PCDH7: variants seen among roughly 807,000 people sequenced by gnomAD.
PCDH7 encodes the protein protocadherin-7.
In PCDH7, 17 loss-of-function variants were observed where a neutral mutation model predicts 58.9. The ratio of observed to expected loss-of-function variants is 0.29; its 90% CI spans 0.20 to 0.43. PCDH7 has a LOEUF of 0.43. PCDH7 is among the 20% of genes least tolerant of loss of function. The probability of loss-of-function intolerance (pLI) is 1.00; values close to 1 mark genes in which losing one functional copy is unlikely to be tolerated. For synonymous variants in PCDH7, 664 were observed against 616.4 expected (o/e 1.08, Z -1.14); for missense variants, 1,274 against 1,441.0 (o/e 0.88, Z 1.88).
intron 3 of PCDH7, among the ~76,000 whole-genome samples, chr4:30,984,577 T>A (rs1041589692): frequency 1.3e-5 from 2 of 152,176 alleles, no homozygotes; most frequent in African/African-American, 4.8e-5. Context: ...AGATGACTGG[T>A]GCCCCAAAGA....
At chr4:30,825,122 A>G (rs1181012520) in intron 1 of PCDH7, among the ~76,000 whole-genome samples, 1 of 152,122 alleles carries the variant, frequency 6.6e-6, no homozygotes, top group East Asian at 1.9e-4. Context: ...GATGTTTCCA[A>G]TATCTGACAC....
chr4:30,916,821 C>G (rs768835416), intron 1 of PCDH7, among the ~76,000 whole-genome samples: 1 of 152,108 alleles, frequency 6.6e-6, no homozygotes, highest in African/African-American at 2.4e-5. Context: ...CTTTCTGTGC[C>G]TCTTCATCAG....
chr4:31,063,241 C>A (rs1381337734), intron 3 of PCDH7, among the ~76,000 whole-genome samples: 13 of 151,652 alleles, frequency 8.6e-5, no homozygotes, highest in South Asian at 6.2e-4. Flanking sequence ...ATATGAATGC[C>A]CTTTCCATCA....
At chr4:30,848,115 C>T (rs976785009) in intron 1 of PCDH7, among the ~76,000 whole-genome samples, 9 of 152,178 alleles carry the variant, frequency 5.9e-5, no homozygotes, top group Admixed American at 1.3e-4. Context: ...ACACTATAAG[C>T]ACAAGTTTAT....
intron 3 of PCDH7, among the ~76,000 whole-genome samples, chr4:30,974,805 A>G (rs1158676967): frequency 1.3e-5 from 2 of 151,364 alleles, no homozygotes; most frequent in African/African-American, 4.8e-5. Context: ...GTCTTAAAGG[A>G]CATAGGGTGG....
intron 2 of PCDH7, among the ~76,000 whole-genome samples, chr4:30,945,435 T>C (rs1256811838): frequency 6.6e-6 from 1 of 152,152 alleles, no homozygotes; most frequent in East Asian, 1.9e-4. Context: ...GCCATTAAGC[T>C]ATGCAACTTA....
intron 1 of PCDH7, among the ~76,000 whole-genome samples, chr4:30,866,499 T>C (rs1057356947): frequency 1.3e-5 from 2 of 152,100 alleles, no homozygotes; most frequent in African/African-American, 4.8e-5. Flanking sequence ...ATCTTTTTAA[T>C]AGAGGCATTT....
intron 3 of PCDH7, among the ~76,000 whole-genome samples, chr4:31,005,713 C>T (rs76141925): frequency 0.052 from 7,975 of 152,178 alleles, 680 homozygotes; most frequent in African/African-American, 0.18. Context: ...TTGTAAAATA[C>T]GTGAAACATA....
chr4:30,965,366 T>C (rs1748908368), intron 3 of PCDH7, among the ~76,000 whole-genome samples: 1 of 152,140 alleles, frequency 6.6e-6, no homozygotes, highest in South Asian at 2.1e-4. Flanking sequence ...AGATGACAAT[T>C]TAAAAATTGA....
At chr4:31,116,573 A>G (rs1161223806) in intron 3 of PCDH7, among the ~76,000 whole-genome samples, 2 of 152,184 alleles carry the variant, frequency 1.3e-5, no homozygotes, top group Non-Finnish European at 2.9e-5. Flanking sequence ...AACCCTATGC[A>G]GATCATAGCG....
At chr4:30,762,905 G>A (rs1325070264) in intron 1 of PCDH7, among the ~76,000 whole-genome samples, 3 of 152,168 alleles carry the variant, frequency 2.0e-5, no homozygotes, top group Non-Finnish European at 4.4e-5. Context: ...TCACTCCAAT[G>A]AGATGGGCAG....
chr4:30,904,159 TAA>T (rs1271098091), intron 1 of PCDH7, among the ~76,000 whole-genome samples: 1 of 152,160 alleles, frequency 6.6e-6, no homozygotes, highest in Non-Finnish European at 1.5e-5. Flanking sequence ...ACCTACTATA[TAA>T]GTTTTCTATT....
At chr4:31,076,278 G>T (rs1229467563) in intron 3 of PCDH7, among the ~76,000 whole-genome samples, 1 of 152,136 alleles carries the variant, frequency 6.6e-6, no homozygotes, top group African/African-American at 2.4e-5. Flanking sequence ...AGGATATAAT[G>T]TGTTAACCTT....
At chr4:30,934,258 G>A (rs543835204) in intron 2 of PCDH7, among the ~76,000 whole-genome samples, 12 of 143,276 alleles carry the variant, frequency 8.4e-5, no homozygotes, top group Admixed American at 2.2e-4. Context: ...CTATGTCCCC[G>A]GGATCAAGTA....
chr4:30,921,740 A>T (rs1338329472), intron 2 of PCDH7, among the ~76,000 whole-genome samples: 3 of 151,884 alleles, frequency 2.0e-5, no homozygotes, highest in African/African-American at 7.2e-5. Flanking sequence ...CATTTTTTTT[A>T]GTAATTTTTT....
intron 3 of PCDH7, among the ~76,000 whole-genome samples, chr4:30,990,176 T>G (rs1203832338): frequency 6.6e-6 from 1 of 151,976 alleles, no homozygotes; most frequent in Non-Finnish European, 1.5e-5. Context: ...ACATTTTTCT[T>G]TATAAAATTT....
At chr4:31,114,047 T>C (rs1716685279) in intron 3 of PCDH7, among the ~76,000 whole-genome samples, 1 of 152,082 alleles carries the variant, frequency 6.6e-6, no homozygotes, top group Non-Finnish European at 1.5e-5. Context: ...TTGGCCAGGC[T>C]GGTCTTGAAA....
At chr4:30,747,473 G>T (rs936212195) in intron 1 of PCDH7, among the ~76,000 whole-genome samples, 4 of 152,144 alleles carry the variant, frequency 2.6e-5, no homozygotes, top group African/African-American at 9.7e-5. Flanking sequence ...TTTCTGTAGT[G>T]TCAAGAGGAG....
rs1354848527 is a variant in PCDH7 at position 30,723,340 on chromosome 4, A to T, written c.1918A>T (p.Met640Leu). 6.2e-7 allele frequency: 1 copy of T among 1,614,210 alleles called. No individual in the cohort carries two copies. Among genetic ancestry groups the T allele is most frequent in the Non-Finnish European group, 8.5e-7 (1 of 1,180,038 alleles). The change falls in exon 1 of 2, where the codon ATG (methionine) becomes TTG (leucine). Residue 640 changes from methionine to leucine, a missense_variant. By Grantham distance (15) the Met-to-Leu change is conservative. Coordinates refer to ENST00000361762, the Ensembl canonical transcript of PCDH7. The surrounding 1 kb of genome is among the most constrained non-coding windows in gnomAD (Gnocchi z 4.6). The stretch of plus-strand genomic sequence containing the variant: ...TAAAAATGACAATGACCCTAAGTTT[A>T]TGCAGGACGTCTTCACCTTTTATGT...
Sources: allele counts gnomAD v4.1 joint callset (sites outside exome capture counted in the v4.1 genomes callset), GRCh38; gene constraint gnomAD v4.1.1; non-coding constraint Gnocchi (gnomAD v3.1); transcripts MANE v1.5; gene names NCBI Gene and HGNC (gene_info 2026-07-23, HGNC 2026-07-21).